Variants in PCM1 observed in about 807,000 individuals in gnomAD.
PCM1 encodes the protein pericentriolar material 1 protein.
A neutral mutation model predicts 241.9 loss-of-function variants in PCM1; 157 were observed. The observed-to-expected ratio is 0.65, with a 90% CI of 0.57 to 0.74. PCM1 has a LOEUF of 0.74. PCM1 is among the 30% of genes least tolerant of loss of function. The pLI is 0.00. For missense variants in PCM1, 3,478 were observed against 2,360.1 expected (o/e 1.47, Z -9.81); for synonymous variants, 1,085 against 784.9 (o/e 1.38, Z -6.39).
intron 38 of PCM1, among the ~76,000 whole-genome samples, chr8:18,026,127 G>A (rs1169152715): frequency 9.2e-6 from 1 of 108,560 alleles, no homozygotes; most frequent in African/African-American, 3.6e-5. Flanking sequence ...TAGCGCCACT[G>A]CACTCCGGCC....
chr8:18,019,732 A>G (rs2093608845), intron 36 of PCM1, among the ~76,000 whole-genome samples: 1 of 152,166 alleles, frequency 6.6e-6, no homozygotes, highest in African/African-American at 2.4e-5. Context: ...GTAGGTTTAA[A>G]TAAAGGTGAA....
Position 17,938,417 on chromosome 8 carries a change from G to GA in PCM1, c.343-315dup, listed in dbSNP as rs1475933149. On this transcript the variant is annotated intron_variant, in intron 4 of 38. Transcript: ENST00000325083. ...TGTTTATGCATATATTCCAAAATTTGAAAAAAAATGAAACTCCTAACACTT... is the reference window on the plus strand; with the variant it reads ...TGTTTATGCATATATTCCAAAATTTGAAAAAAAAATGAAACTCCTAACACTT... 9.2e-5 allele frequency among the ~76,000 whole-genome samples: 14 copies of GA among 151,914 alleles called. No individual in the cohort carries two copies. The East Asian group carries it at 2.3e-3, about 25-fold the overall frequency.
At chr8:17,939,898 G>T (rs1392226701) in intron 6 of PCM1, 37 bp downstream of exon 6, 3 of 1,307,258 alleles carry the variant, frequency 2.3e-6, no homozygotes, top group Non-Finnish European at 3.2e-6. Flanking sequence ...TATTATTTTT[G>T]TAGTATCTCA....
intron 23 of PCM1, 62 bp from the exon 24 acceptor site, chr8:17,980,529 C>A: frequency 3.6e-6 from 5 of 1,401,258 alleles, no homozygotes; most frequent in Non-Finnish European, 3.9e-6. Flanking sequence ...CAATGGAAAC[C>A]GATTTCCCTT....
In PCM1 at chr8:18,029,156, C is replaced by CAAA. The variant is rs11333913; in HGVS notation, c.*1518_*1520dup. 0.017 allele frequency: 941 copies of CAAA among 56,324 alleles called. 127 individuals are homozygous for CAAA. The highest frequency in any genetic ancestry group is 0.057 in the African/African-American group (770 of 13,576). The allele number at this position is 56,324 out of a possible 1,614,324, so 3.5% of individuals were successfully genotyped here. On this transcript the variant is annotated 3_prime_UTR_variant, in exon 39 of 39. Transcript: ENST00000325083. Reference sequence around the variant, plus strand: ...CTGGCAACAGAGCGAGACTCTGTCTCAAAAAAAAAAAAAAAAAAAAAAAAA... The same window carrying CAAA: ...CTGGCAACAGAGCGAGACTCTGTCTCAAAAAAAAAAAAAAAAAAAAAAAAAAAA...
rs752479235 is a variant in PCM1, at chr8:17,939,676, A to AG, written c.613-15_613-14insG. 1 of 1,460,902 alleles carries AG rather than the reference A, an allele frequency of 6.8e-7. No homozygotes were observed. Among genetic ancestry groups the AG allele is most frequent in the South Asian group, 1.4e-5 (1 of 72,078 alleles). The allele number at this position is 1,460,902 out of a possible 1,614,324, so 90.5% of individuals were successfully genotyped here. A position where few individuals can be genotyped will look rare whatever the true frequency, so the allele number is the denominator to read the frequency against. The stretch of plus-strand genomic sequence containing the variant: ...TACTTTCATGCTTTTTTTAAAAAAA[A>AG]TATTTCCCCTGCAGATTGTAAGCAG... On this transcript the variant is annotated splice_polypyrimidine_tract_variant and intron_variant, in intron 5 of 38. Coordinates refer to ENST00000325083, the MANE Select transcript of PCM1 (RefSeq NM_006197.4).
At chr8:17,969,832 A>G in intron 22 of PCM1, 84 bp downstream of exon 22, 3 of 1,030,500 alleles carry the variant, frequency 2.9e-6, no homozygotes, top group Non-Finnish European at 4.3e-6. Flanking sequence ...AAACACAACT[A>G]GGGAGGACGT....
intron 21 of PCM1, among the ~76,000 whole-genome samples, chr8:17,968,142 A>G (rs890560371): frequency 1.8e-4 from 27 of 152,218 alleles, no homozygotes; most frequent in Admixed American, 1.7e-3. Flanking sequence ...GCTTTCTAAT[A>G]GAACCACTTA....
chr8:17,933,533 T>A lies in PCM1; in HGVS notation c.-22-2056T>A, dbSNP rs546352134. On this transcript the variant is annotated intron_variant, in intron 2 of 38. Coordinates refer to ENST00000325083, the MANE Select transcript of PCM1 (RefSeq NM_006197.4). The stretch of plus-strand genomic sequence containing the variant: ...TTAGAAAAAGTGGTTGGTTGTAATA[T>A]TTAGTATCCCATCATGGAAGATAGT... Among the ~76,000 whole-genome samples, 5 of 152,332 alleles carry A rather than the reference T, an allele frequency of 3.3e-5. No individual in the cohort carries two copies. In the South Asian group the frequency reaches 1.0e-3, roughly 32 times the overall value.
At chr8:17,942,665 T>TA (rs1398961502) in intron 6 of PCM1, among the ~76,000 whole-genome samples, 2 of 151,708 alleles carry the variant, frequency 1.3e-5, no homozygotes, top group Non-Finnish European at 2.9e-5. Flanking sequence ...GCATTCCAGA[T>TA]AGAGTTAAAG....
chr8:18,029,256 T>G lies in PCM1; in HGVS notation c.*1594T>G, dbSNP rs1047353243. 1 of 211,408 alleles carries G rather than the reference T, an allele frequency of 4.7e-6. No homozygotes were observed. Among genetic ancestry groups the G allele is most frequent in the Non-Finnish European group, 9.6e-6 (1 of 103,984 alleles). The allele number at this position is 211,408 out of a possible 1,614,324, so 13.1% of individuals were successfully genotyped here. A position where few individuals can be genotyped will look rare whatever the true frequency, so the allele number is the denominator to read the frequency against. ...ATGAGGATTTCCCTGCGAGGACATT[T>G]ACTGTATTGCTACTTAAATTATGGA... On this transcript the variant is annotated 3_prime_UTR_variant, in exon 39 of 39. Transcript: ENST00000325083.
intron 6 of PCM1, among the ~76,000 whole-genome samples, chr8:17,941,483 A>T (rs7839778): frequency 0.22 from 32,781 of 151,414 alleles, 4,154 homozygotes; most frequent in East Asian, 0.4. Flanking sequence ...AACTTAAAAG[A>T]CTAAATATAC....
intron 28 of PCM1, among the ~76,000 whole-genome samples, chr8:17,992,703 G>A (rs1162612010): frequency 1.3e-5 from 2 of 148,166 alleles, no homozygotes; most frequent in Admixed American, 6.9e-5. Context: ...TGCATCCTCT[G>A]CCTGCCAGGC....
intron 6 of PCM1, 52 bp from the exon 7 acceptor site, chr8:17,947,134 G>T (rs143250926): frequency 1.7e-6 from 2 of 1,178,660 alleles, no homozygotes; most frequent in Admixed American, 4.6e-5. Context: ...AATTGAAACC[G>T]CAACATGGAT....
Position 18,028,547 on chromosome 8 carries a change from A to T in PCM1, c.*885A>T, listed in dbSNP as rs552433550. 3 of 203,858 alleles carry T rather than the reference A, an allele frequency of 1.5e-5. No individual in the cohort carries two copies. Among genetic ancestry groups the T allele is most frequent in the Non-Finnish European group, 3.0e-5 (3 of 99,408 alleles). The allele number at this position is 203,858 out of a possible 1,614,324, so 12.6% of individuals were successfully genotyped here. The stretch of plus-strand genomic sequence containing the variant: ...CCTTCAGATAAACTTGCCTATTGAG[A>T]TGGTAATTTAAAGCCAAAGCATAGC... On this transcript the variant is annotated 3_prime_UTR_variant, in exon 39 of 39. Coordinates refer to ENST00000325083, the MANE Select transcript of PCM1 (RefSeq NM_006197.4).
intron 23 of PCM1, 22 bp from the exon 24 acceptor site, chr8:17,980,569 G>A (rs370855999): frequency 5.8e-6 from 9 of 1,562,052 alleles, no homozygotes; most frequent in Non-Finnish European, 6.9e-6. Flanking sequence ...ACTGATAACA[G>A]TTGTCACTTT....
chr8:18,005,823 G>A lies in PCM1; in HGVS notation c.4828-440G>A, dbSNP rs1053174580. On this transcript the variant is annotated intron_variant, in intron 29 of 38. Coordinates refer to ENST00000325083, the MANE Select transcript of PCM1 (RefSeq NM_006197.4). ...GATGCCAAATATCCTACAATGCACA[G>A]GATGTCAATAATGTGAAGGTTGAGA... 7.2e-5 allele frequency among the ~76,000 whole-genome samples: 11 copies of A among 152,148 alleles called. No homozygotes were observed. The East Asian group carries it at 2.1e-3, about 29-fold the overall frequency.
chr8:18,014,526 T>G, intron 35 of PCM1, 58 bp from the exon 36 acceptor site: 1 of 1,363,686 alleles, frequency 7.3e-7, no homozygotes, highest in Middle Eastern at 1.9e-4. Context: ...ATTAGTATAA[T>G]AGTAAAATTT....
In PCM1 at chr8:18,001,503, A is replaced by G. The variant is rs909966898; in HGVS notation, c.4828-4760A>G. Among the ~76,000 whole-genome samples the G allele has an allele frequency of 3.9e-5, 6 of 152,226 alleles. No individual in the cohort carries two copies. In the East Asian group the frequency reaches 1.2e-3, roughly 29 times the overall value. ...GCAGTACTATTAATTTCATTTAACA[A>G]CATTGATCAGGGCAGATGGAGACAT... On this transcript the variant is annotated intron_variant, in intron 29 of 38. Coordinates refer to ENST00000325083, the MANE Select transcript of PCM1 (RefSeq NM_006197.4).
Sources: gnomAD v4.1 joint callset for allele counts (sites outside exome capture counted in the v4.1 genomes callset) on GRCh38, gnomAD v4.1.1 for gene constraint, MANE v1.5 for transcripts, NCBI Gene and HGNC (gene_info 2026-07-23, HGNC 2026-07-21) for gene names.